The following ECD variants were observed in gnomAD, a reference collection of about 807,000 sequenced individuals.
ECD encodes the protein protein ecdysoneless homolog.
ECD carries 59 observed loss-of-function variants against 77.2 expected under a neutral mutation model. The observed-to-expected ratio is 0.76, with a 90% CI of 0.62 to 0.95. The LOEUF is 0.95. Among genes scored for constraint, ECD ranks in the 40% least tolerant of loss-of-function variants. The pLI is 0.00. For missense variants in ECD, 704 were observed against 763.4 expected (o/e 0.92, Z 0.92); for synonymous variants, 233 against 267.4 (o/e 0.87, Z 1.26).
At chr10:73,161,892 G>A (rs1002512463) in intron 2 of ECD, among the ~76,000 whole-genome samples, 56 of 152,248 alleles carry the variant, frequency 3.7e-4, no homozygotes, top group African/African-American at 1.3e-3. Flanking sequence ...GAAAATCAAT[G>A]TACAGTTAAT....
intron 9 of ECD, among the ~76,000 whole-genome samples, chr10:73,143,912 C>T (rs538512905): frequency 6.7e-6 from 1 of 149,336 alleles, no homozygotes; most frequent in Non-Finnish European, 1.5e-5. Flanking sequence ...TCAGTGGTTC[C>T]CAACCAGGGA....
chr10:73,153,798 C>T (rs1589118822), intron 6 of ECD, among the ~76,000 whole-genome samples: 1 of 119,288 alleles, frequency 8.4e-6, no homozygotes, highest in African/African-American at 3.1e-5. Flanking sequence ...AGCTATAAAA[C>T]ATTGAGTATA....
intron 11 of ECD, among the ~76,000 whole-genome samples, chr10:73,138,956 T>TTTGAG (rs56728203): frequency 0.16 from 23,833 of 152,022 alleles, 3,088 homozygotes; most frequent in African/African-American, 0.33. Context: ...GATGAATTCC[T>TTTGAG]TTTTCAGTAT....
chr10:73,146,473 C>A lies in ECD; in HGVS notation c.1042-112G>T, dbSNP rs540276143. ...CAAATAATCTACTACTCAGGAATCA[C>A]GTGCCCCAAGTCCTAGGCCCTGTTT... On this transcript the variant is annotated intron_variant, in intron 8 of 13. Coordinates refer to ENST00000372979, the MANE Select transcript of ECD (RefSeq NM_007265.3). 970 of 567,064 alleles carry A rather than the reference C, an allele frequency of 1.7e-3. 10 individuals carry two copies. The highest frequency in any genetic ancestry group is 5.7e-3 in the South Asian group (189 of 33,142). The allele number at this position is 567,064 out of a possible 1,614,324, so 35.1% of individuals were successfully genotyped here.
chr10:73,161,099 A>G (rs1426935799), intron 2 of ECD, among the ~76,000 whole-genome samples: 1 of 152,100 alleles, frequency 6.6e-6, no homozygotes, highest in Non-Finnish European at 1.5e-5. Context: ...TAAGGAATTC[A>G]GTGAAAGCAG....
chr10:73,160,342 C>A, intron 3 of ECD, 92 bp downstream of exon 3: 2 of 822,896 alleles, frequency 2.4e-6, no homozygotes, highest in Non-Finnish European at 1.8e-6. Context: ...CAGCAGACTA[C>A]AGGAGAAAAA....
chr10:73,161,790 A>G (rs1207018777), intron 2 of ECD, among the ~76,000 whole-genome samples: 1 of 152,246 alleles, frequency 6.6e-6, no homozygotes, highest in African/African-American at 2.4e-5. Flanking sequence ...TTAACAAAAT[A>G]TCAGCAATCT....
intron 1 of ECD, among the ~76,000 whole-genome samples, chr10:73,165,676 G>A (rs547861652): frequency 9.9e-5 from 15 of 151,568 alleles, no homozygotes; most frequent in Non-Finnish European, 2.1e-4. Context: ...TGGGGTACAT[G>A]AGATATTTTG....
rs1210238819 is a variant in ECD, at chr10:73,134,744, C to G, written c.1774G>C (p.Ala592Pro). Reference protein sequence around the residue: ...EDSGTGESVMAPVDVDLNLVS... With the variant: ...EDSGTGESVMPPVDVDLNLVS... ...AGGTTCAGGTCTACATCTACTGGTGCCATAACAGATTCTCCCGTACCAGAA... is the reference window on the plus strand; with the variant it reads ...AGGTTCAGGTCTACATCTACTGGTGGCATAACAGATTCTCCCGTACCAGAA... The change falls in exon 14 of 14, where the codon GCA becomes CCA. Residue 592 changes from alanine (A) to proline (P), a missense_variant. Coordinates refer to ENST00000372979, the MANE Select transcript of ECD (RefSeq NM_007265.3). The G allele has an allele frequency of 6.2e-7, 1 of 1,614,000 alleles. No homozygotes were observed. Among genetic ancestry groups the G allele is most frequent in the African/African-American group, 1.3e-5 (1 of 74,894 alleles).
chr10:73,139,162 A>C, intron 11 of ECD, 147 bp downstream of exon 11: 1 of 694,506 alleles, frequency 1.4e-6, no homozygotes, highest in Non-Finnish European at 2.2e-6. Flanking sequence ...CAAATAAGTA[A>C]GTTATCACTA....
chr10:73,165,229 G>A (rs533687300), intron 1 of ECD, among the ~76,000 whole-genome samples: 6 of 152,082 alleles, frequency 3.9e-5, no homozygotes, highest in Non-Finnish European at 5.9e-5. Flanking sequence ...ATTGTATGGC[G>A]TAGAGGAATT....
chr10:73,146,397 C>G, intron 8 of ECD, 36 bp from the exon 9 acceptor site: 1 of 1,425,522 alleles, frequency 7.0e-7, no homozygotes, highest in Non-Finnish European at 9.5e-7. Flanking sequence ...GAACATTACT[C>G]ACAAGTTGTC....
chr10:73,161,669 G>A (rs944076755), intron 2 of ECD, among the ~76,000 whole-genome samples: 1 of 152,064 alleles, frequency 6.6e-6, no homozygotes, highest in South Asian at 2.1e-4. Context: ...AAAAGGGAGG[G>A]AATTCCCAAA....
chr10:73,136,861 A>G lies in ECD; in HGVS notation c.1547T>C (p.Leu516Ser). ...AAAGTCCAAGTCATCATCACTATCT[A>G]AACATTCAAAGTCTTCATCATCCAG... ...DDLDDEDFEC[L>S]DSDDDLDFET... The change falls in exon 13 of 14, where the codon TTA becomes TCA. Residue 516 changes from leucine (L) to serine (S), a missense_variant. Physicochemically the swap from Leu to Ser is moderately radical, Grantham distance 145 (BLOSUM62 -2). This residue lies in a region of ECD where 142 missense variants were observed against 163.6 expected (regional missense o/e 0.87). Transcript: ENST00000372979. 3 of 1,614,012 alleles carry G rather than the reference A, an allele frequency of 1.9e-6. No homozygotes were observed. Among genetic ancestry groups the G allele is most frequent in the Non-Finnish European group, 2.5e-6 (3 of 1,179,996 alleles).
chr10:73,152,270 A>T, intron 7 of ECD, 23 bp downstream of exon 7: 1 of 1,608,002 alleles, frequency 6.2e-7, no homozygotes, highest in Non-Finnish European at 8.5e-7. Context: ...GAAAGGAAAC[A>T]ACATTTTCTG....
In ECD at chr10:73,136,931, CAAG is replaced by C; in HGVS notation, c.1490-16_1490-14del. On this transcript the variant is annotated splice_polypyrimidine_tract_variant and intron_variant, in intron 12 of 13. Transcript: ENST00000372979. ...TTAGGCCTTGGCCCTACACAGATCC[CAAG>C]AAAGAAAGAGCCACTTAGTAATTAT... 7.0e-7 allele frequency: 1 copy of C among 1,438,182 alleles called. No homozygotes were observed. Among genetic ancestry groups the C allele is most frequent in the Non-Finnish European group, 9.2e-7 (1 of 1,086,074 alleles). 89.1% of individuals were successfully genotyped at this position (1,438,182 alleles called of 1,614,324 possible). A position where few individuals can be genotyped will look rare whatever the true frequency, so the allele number is the denominator to read the frequency against.
At chr10:73,135,487 G>A (rs113768624) in intron 13 of ECD, among the ~76,000 whole-genome samples, 1 of 152,086 alleles carries the variant, frequency 6.6e-6, no homozygotes, top group Non-Finnish European at 1.5e-5. Context: ...GGGAGGCTGA[G>A]GTGGGTGGAT....
Position 73,154,444 on chromosome 10 carries a change from G to A in ECD, c.595C>T (p.Pro199Ser), listed in dbSNP as rs766809987. ...AAVNRRIRGYPEKIQASLHRA... is the reference protein window; with the variant it reads ...AAVNRRIRGYSEKIQASLHRA... ...TGAAGTGAGGCCTGAATTTTTTCTGGGTACCTGGGACAGGTAACATAATTA... is the reference window on the plus strand; with the variant it reads ...TGAAGTGAGGCCTGAATTTTTTCTGAGTACCTGGGACAGGTAACATAATTA... Residue 199 changes from proline (P) to serine (S), a missense_variant, in exon 6 of 14, where the codon CCA becomes TCA. Pro to Ser is a moderately conservative substitution (Grantham distance 74). Transcript: ENST00000372979. 6.2e-7 allele frequency: 1 copy of A among 1,606,784 alleles called. No individual in the cohort carries two copies. The highest frequency in any genetic ancestry group is 1.3e-5 in the African/African-American group (1 of 74,730).
At chr10:73,161,420 A>C (rs1843379813) in intron 2 of ECD, among the ~76,000 whole-genome samples, 1 of 152,206 alleles carries the variant, frequency 6.6e-6, no homozygotes, top group African/African-American at 2.4e-5. Context: ...AGAGAATTCT[A>C]TGAACAATGG....
Sources: allele counts gnomAD v4.1 joint callset (sites outside exome capture counted in the v4.1 genomes callset), GRCh38; gene constraint gnomAD v4.1.1; regional missense constraint gnomAD v4.1.1; transcripts MANE v1.5; gene names NCBI Gene and HGNC (gene_info 2026-07-23, HGNC 2026-07-21).